The following PCSK5 variants were observed in gnomAD, a reference collection of about 807,000 sequenced individuals.
PCSK5 encodes prohormone convertase 5.
PCSK5 carries 129 observed loss-of-function variants against 233.2 expected under a neutral mutation model. The observed-to-expected ratio is 0.55, with a 90% CI of 0.48 to 0.64. PCSK5 has a LOEUF of 0.64. PCSK5 is among the 30% of genes least tolerant of loss of function. The probability of loss-of-function intolerance (pLI) is 0.00; values close to 1 mark genes in which losing one functional copy is unlikely to be tolerated. For synonymous variants in PCSK5, 825 were observed against 879.2 expected (o/e 0.94, Z 1.09); for missense variants, 2,076 against 2,430.1 (o/e 0.85, Z 3.06).
chr9:76,128,900 G>T (rs1822636914), intron 9 of PCSK5, among the ~76,000 whole-genome samples: 1 of 152,066 alleles, frequency 6.6e-6, no homozygotes, highest in Non-Finnish European at 1.5e-5. Flanking sequence ...TTGAATTATT[G>T]TAGAACACAA....
chr9:76,042,785 T>C (rs1241665206), intron 5 of PCSK5, among the ~76,000 whole-genome samples: 1 of 152,232 alleles, frequency 6.6e-6, no homozygotes, highest in Non-Finnish European at 1.5e-5. Flanking sequence ...AACTTACTTA[T>C]GTACAAACTT....
intron 30 of PCSK5, among the ~76,000 whole-genome samples, chr9:76,313,743 A>G (rs1428429479): frequency 6.6e-6 from 1 of 152,180 alleles, no homozygotes; most frequent in African/African-American, 2.4e-5. Context: ...ACTTAGCATA[A>G]TGTTTTCCAG....
intron 9 of PCSK5, among the ~76,000 whole-genome samples, chr9:76,109,351 A>G (rs2131684739): frequency 6.6e-6 from 1 of 152,164 alleles, no homozygotes; most frequent in East Asian, 1.9e-4. Flanking sequence ...TCAAACTAAA[A>G]CTTAGCAACC....
chr9:75,933,444 A>G (rs1023877810), intron 2 of PCSK5, among the ~76,000 whole-genome samples: 2 of 152,196 alleles, frequency 1.3e-5, no homozygotes, highest in African/African-American at 4.8e-5. Flanking sequence ...TTTCAAAGAA[A>G]TTGATAGATA....
At chr9:76,172,076 G>A (rs1364517379) in intron 13 of PCSK5, among the ~76,000 whole-genome samples, 2 of 152,094 alleles carry the variant, frequency 1.3e-5, no homozygotes, top group South Asian at 2.1e-4. Flanking sequence ...GAATTTTCTA[G>A]CCCAATTAAA....
rs1456245321 is a variant in PCSK5, at chr9:76,023,869, G to A, written c.543G>A (p.Leu181=). 1.9e-6 allele frequency: 3 copies of A among 1,611,288 alleles called. No individual in the cohort carries two copies. Among genetic ancestry groups the A allele is most frequent in the Admixed American group, 3.4e-5 (2 of 59,622 alleles). ...GAATTGAGAGAACCCATCCAGATCT[G>A]ATGCAAAACTACGTGAGTGTATGCT... ...DDGIERTHPD[L]MQNYDALASC... The change falls in exon 4 of 38, where the codon CTG becomes CTA. Residue 181 remains leucine (L), a synonymous_variant. Transcript: ENST00000674117.
chr9:76,322,242 G>A lies in PCSK5; in HGVS notation c.4102+603G>A, dbSNP rs573469650. On this transcript the variant is annotated intron_variant, in intron 31 of 37. Transcript: ENST00000674117. ...TGGGATTACAAGCGTGAGGCACCACGCCCAGCTGTTCCCATCTTTTGGAAC... is the reference window on the plus strand; with the variant it reads ...TGGGATTACAAGCGTGAGGCACCACACCCAGCTGTTCCCATCTTTTGGAAC... Among the ~76,000 whole-genome samples the A allele has an allele frequency of 7.9e-5, 12 of 152,268 alleles. No individual in the cohort carries two copies. The South Asian group carries it at 1.7e-3, about 21-fold the overall frequency.
intron 2 of PCSK5, among the ~76,000 whole-genome samples, chr9:75,964,750 G>A (rs553440316): frequency 3.3e-5 from 5 of 152,348 alleles, no homozygotes; most frequent in African/African-American, 7.2e-5. Context: ...TCAACTTCAT[G>A]TATTAATTAA....
At chr9:76,175,271 G>GGAATGGAATGGAATCGAATC (rs1564081347) in intron 14 of PCSK5, 142 bp downstream of exon 14, 4 of 517,226 alleles carry the variant, frequency 7.7e-6, no homozygotes, top group African/African-American at 5.3e-5. Context: ...GGAATGGAAT[G>GGAATGGAATGGAATCGAATC]GAATCGAATC....
intron 2 of PCSK5, among the ~76,000 whole-genome samples, chr9:75,945,164 A>G (rs1824506869): frequency 6.6e-6 from 1 of 150,578 alleles, no homozygotes; most frequent in African/African-American, 2.4e-5. Flanking sequence ...AGAATAACAT[A>G]TAAGATATAT....
chr9:76,280,787 C>A (rs1827839767), intron 24 of PCSK5, among the ~76,000 whole-genome samples: 1 of 151,784 alleles, frequency 6.6e-6, no homozygotes, highest in Non-Finnish European at 1.5e-5. Flanking sequence ...GTCTCTGGCA[C>A]CAAACAGCCA....
chr9:76,236,298 T>A (rs965713183), intron 22 of PCSK5, among the ~76,000 whole-genome samples: 3 of 152,158 alleles, frequency 2.0e-5, no homozygotes, highest in Non-Finnish European at 4.4e-5. Flanking sequence ...GGACATCCAA[T>A]ATCATCATGC....
intron 10 of PCSK5, among the ~76,000 whole-genome samples, chr9:76,151,256 T>G (rs544362940): frequency 3.9e-5 from 6 of 152,314 alleles, no homozygotes; most frequent in African/African-American, 1.2e-4. Context: ...AGGCAGCTCT[T>G]TGATCTCTGG....
intron 5 of PCSK5, among the ~76,000 whole-genome samples, chr9:76,061,791 C>T (rs1341173340): frequency 6.6e-6 from 1 of 152,084 alleles, no homozygotes; most frequent in Non-Finnish European, 1.5e-5. Flanking sequence ...ATCCCAATTA[C>T]ATTGAATTGA....
chr9:76,215,223 A>G (rs573642695), intron 20 of PCSK5, among the ~76,000 whole-genome samples: 32 of 152,142 alleles, frequency 2.1e-4, no homozygotes, highest in Non-Finnish European at 3.5e-4. Flanking sequence ...GGCACATCAT[A>G]CCATGTAAAA....
At chr9:75,931,804 G>C (rs778000656) in intron 1 of PCSK5, among the ~76,000 whole-genome samples, 4 of 152,126 alleles carry the variant, frequency 2.6e-5, no homozygotes, top group Non-Finnish European at 5.9e-5. Context: ...TTTTTGTCTT[G>C]TTTTAGATAT....
chr9:76,187,387 G>GAGAC (rs1233260964), intron 17 of PCSK5, among the ~76,000 whole-genome samples: 1 of 150,742 alleles, frequency 6.6e-6, no homozygotes, highest in African/African-American at 2.4e-5. Context: ...TTTTTTTTAA[G>GAGAC]AGACAGAGTC....
intron 24 of PCSK5, among the ~76,000 whole-genome samples, chr9:76,277,508 T>C (rs1415689903): frequency 6.6e-6 from 1 of 152,194 alleles, no homozygotes; most frequent in African/African-American, 2.4e-5. Flanking sequence ...TTAGCCAACA[T>C]TTGTAGACAA....
intron 10 of PCSK5, among the ~76,000 whole-genome samples, chr9:76,140,984 C>T (rs968376374): frequency 6.6e-6 from 1 of 152,098 alleles, no homozygotes; most frequent in African/African-American, 2.4e-5. Context: ...TGAGGCTGGA[C>T]TTTACCTAGA....
Sources: gnomAD v4.1 joint callset for allele counts (sites outside exome capture counted in the v4.1 genomes callset) on GRCh38, gnomAD v4.1.1 for gene constraint, MANE v1.5 for transcripts, NCBI Gene and HGNC (gene_info 2026-07-23, HGNC 2026-07-21) for gene names.